F8: variants seen among roughly 807,000 people sequenced by gnomAD.
The protein encoded by F8 is antihemophilic factor.
A neutral mutation model predicts 140.6 loss-of-function variants in F8; 12 were observed. That is an observed-to-expected ratio of 0.09 (90% CI 0.05 to 0.14). The LOEUF (loss-of-function observed/expected upper bound fraction) is 0.14, where lower values mean the gene tolerates loss of function less well. Among genes scored for constraint, F8 ranks in the 10% least tolerant of loss-of-function variants. F8 has a pLI of 1.00. For missense variants in F8, 1,354 were observed against 1,720.7 expected (o/e 0.79, Z 3.77); for synonymous variants, 585 against 614.6 (o/e 0.95, Z 0.71).
intron 6 of F8, among the ~76,000 whole-genome samples, chrX:154,981,988 G>A (rs113686266): frequency 0.034 from 3,538 of 105,178 alleles, 48 homozygotes; most frequent in Middle Eastern, 0.062. Flanking sequence ...GTTCAAGACC[G>A]GCCTGGCAAA....
At chrX:154,859,040 A>G (rs1557272626) in intron 25 of F8, among the ~76,000 whole-genome samples, 1 of 112,100 alleles carries the variant, frequency 8.9e-6, no homozygotes, top group African/African-American at 3.2e-5. Flanking sequence ...GAAGGCCTGA[A>G]TAGAACAAAA....
At chrX:154,853,190 G>A (rs1557272263) in intron 25 of F8, among the ~76,000 whole-genome samples, 1 of 110,271 alleles carries the variant, frequency 9.1e-6, no homozygotes. Context: ...TATTATCTTT[G>A]ATGCTATTGT....
intron 2 of F8, 116 bp downstream of exon 2, chrX:154,999,363 G>C: frequency 2.5e-5 from 21 of 835,092 alleles, no homozygotes; most frequent in Non-Finnish European, 3.5e-5. Flanking sequence ...GTAGCAGTTA[G>C]GGAAACATTC....
In F8 at chrX:154,917,462, T is replaced by C. The variant is rs782479117; in HGVS notation, c.5220-10889A>G. 9.8e-5 allele frequency among the ~76,000 whole-genome samples: 11 copies of C among 112,089 alleles called. No homozygotes were observed. In the East Asian group the frequency reaches 3.1e-3, roughly 31 times the overall value. ...GAATCTGTTTGGTGATCTTCAGCCTTCCTATAACTGGATACTTACATCTCT... is the reference window on the plus strand; with the variant it reads ...GAATCTGTTTGGTGATCTTCAGCCTCCCTATAACTGGATACTTACATCTCT... On this transcript the variant is annotated intron_variant, in intron 14 of 25. Transcript: ENST00000360256.
At chrX:155,009,828 A>C (rs2124161030) in intron 1 of F8, among the ~76,000 whole-genome samples, 1 of 112,134 alleles carries the variant, frequency 8.9e-6, no homozygotes, top group East Asian at 2.8e-4. Context: ...ATAGATTGGA[A>C]GATCAGAGAG....
intron 22 of F8, among the ~76,000 whole-genome samples, chrX:154,890,441 A>G (rs2072935266): frequency 8.9e-6 from 1 of 112,515 alleles, no homozygotes; most frequent in Non-Finnish European, 1.9e-5. Context: ...ATTGTAGGAA[A>G]CAAACCAAAA....
chrX:154,935,981 AACACACACACACACACACAC>A (rs782071576), intron 13 of F8, among the ~76,000 whole-genome samples: 1 of 88,319 alleles, frequency 1.1e-5, no homozygotes, highest in African/African-American at 4.3e-5. Flanking sequence ...ATGCCAAAGT[AACACACACACACACACACAC>A]ACACACACAC....
chrX:154,871,716 G>T (rs1432614611), intron 22 of F8, among the ~76,000 whole-genome samples: 1 of 112,208 alleles, frequency 8.9e-6, no homozygotes, highest in Non-Finnish European at 1.9e-5. Flanking sequence ...TTAAACTAAA[G>T]AGCTTCTGCA....
At chrX:154,972,703 C>CTTTTT (rs1557282690) in intron 6 of F8, among the ~76,000 whole-genome samples, 9 of 64,690 alleles carry the variant, frequency 1.4e-4, no homozygotes, top group African/African-American at 6.2e-4. Context: ...TTCTTTCTGT[C>CTTTTT]TTTCTTTTTT....
intron 1 of F8, among the ~76,000 whole-genome samples, chrX:155,009,996 G>A (rs1177896958): frequency 9.0e-6 from 1 of 111,327 alleles, no homozygotes; most frequent in East Asian, 2.8e-4. Flanking sequence ...CTATTCAAAG[G>A]GAATAACTAG....
At chrX:155,004,022 A>T (rs191799942) in intron 1 of F8, among the ~76,000 whole-genome samples, 3 of 107,908 alleles carry the variant, frequency 2.8e-5, no homozygotes, top group African/African-American at 1.0e-4. Context: ...AAAACCCTAC[A>T]CCTAGGCATA....
At chrX:154,860,756 A>AT in intron 24 of F8, 148 bp from the exon 25 acceptor site, 1 of 562,393 alleles carries the variant, frequency 1.8e-6, no homozygotes, top group South Asian at 2.5e-5. Flanking sequence ...CTGTAGTGCA[A>AT]TGGCATGATC....
intron 14 of F8, among the ~76,000 whole-genome samples, chrX:154,908,577 G>A (rs1469493428): frequency 1.8e-5 from 2 of 112,260 alleles, no homozygotes; most frequent in African/African-American, 3.2e-5. Flanking sequence ...ATTCATGTAC[G>A]TGGTATATCT....
chrX:154,908,299 G>C (rs1557276481), intron 14 of F8, among the ~76,000 whole-genome samples: 1 of 112,120 alleles, frequency 8.9e-6, no homozygotes. Flanking sequence ...TCATTTACCT[G>C]TTTGATTATC....
At chrX:154,894,805 T>C (rs1238766377) in intron 22 of F8, among the ~76,000 whole-genome samples, 1 of 105,037 alleles carries the variant, frequency 9.5e-6, no homozygotes, top group Admixed American at 1.1e-4. Flanking sequence ...GGATAATCCA[T>C]GTAAAGTTAC....
intron 6 of F8, among the ~76,000 whole-genome samples, chrX:154,978,418 C>A (rs1416179136): frequency 9.0e-6 from 1 of 111,562 alleles, no homozygotes; most frequent in Non-Finnish European, 1.9e-5. Flanking sequence ...GTGAAACAAA[C>A]ACATCATGGA....
intron 6 of F8, among the ~76,000 whole-genome samples, chrX:154,970,673 T>C (rs1557282505): frequency 9.0e-6 from 1 of 111,709 alleles, no homozygotes; most frequent in Admixed American, 9.6e-5. Flanking sequence ...CCAATAGGTT[T>C]GATTCCTAAT....
At position 154,966,466 on chromosome X, in the gene F8, C is replaced by T. The variant is rs1324147584; in HGVS notation, c.1231G>A (p.Asp411Asn). 3 of 1,209,508 alleles carry T rather than the reference C, an allele frequency of 2.5e-6. No individual in the cohort carries two copies. Among genetic ancestry groups the T allele is most frequent in the Non-Finnish European group, 2.2e-6 (2 of 895,108 alleles). ...WVHYIAAEEE[D>N]WDYAPLVLAP... ...AGGACTAAGGGAGCATAGTCCCAGT[C>T]CTCCTCTTCAGCAGCAATGTAATGT... is the stretch of plus-strand genomic sequence containing the variant. Residue 411 changes from aspartate to asparagine, a missense_variant, in exon 8 of 26, where the codon GAC (aspartate) becomes AAC (asparagine). Asp to Asn is a conservative substitution (Grantham distance 23). Transcript: ENST00000360256.
intron 1 of F8, among the ~76,000 whole-genome samples, chrX:155,004,574 C>G (rs1363468383): frequency 8.9e-6 from 1 of 112,012 alleles, no homozygotes; most frequent in Non-Finnish European, 1.9e-5. Flanking sequence ...CTCATCAATA[C>G]AGATCTAGCT....
Sources: allele counts gnomAD v4.1 joint callset (sites outside exome capture counted in the v4.1 genomes callset), GRCh38; gene constraint gnomAD v4.1.1; transcripts MANE v1.5; gene names NCBI Gene and HGNC (gene_info 2026-07-23, HGNC 2026-07-21).